Variants in UNC5D observed in about 807,000 individuals in gnomAD.
UNC5D encodes unc-5 netrin receptor D, also known as netrin receptor UNC5D.
A neutral mutation model predicts 105.4 loss-of-function variants in UNC5D; 39 were observed. The ratio of observed to expected loss-of-function variants is 0.37; its 90% CI spans 0.29 to 0.48. UNC5D has a LOEUF of 0.48. UNC5D is among the 20% of genes least tolerant of loss of function. The pLI is 0.98. For missense variants in UNC5D, 991 were observed against 1,202.4 expected, an observed-to-expected ratio of 0.82 and a Z score of 2.60; for synonymous variants, 452 against 450.4, an observed-to-expected ratio of 1.00 and a Z score of -0.04.
intron 13 of UNC5D, among the ~76,000 whole-genome samples, chr8:35,752,483 A>G (rs999801671): frequency 6.6e-6 from 1 of 152,144 alleles, no homozygotes; most frequent in Admixed American, 6.5e-5. Context: ...GCCCCTGAGT[A>G]TCTCTTAAGT....
chr8:35,696,706 G>A (rs879539841), intron 7 of UNC5D, among the ~76,000 whole-genome samples: 5 of 152,030 alleles, frequency 3.3e-5, no homozygotes, highest in East Asian at 1.9e-4. Flanking sequence ...CTAAGTACAC[G>A]TCTCTTCAAG....
intron 8 of UNC5D, among the ~76,000 whole-genome samples, chr8:35,706,583 G>A (rs903779765): frequency 5.9e-5 from 9 of 152,112 alleles, no homozygotes; most frequent in Non-Finnish European, 1.0e-4. Flanking sequence ...TCACCTGTAG[G>A]CCTTTTAAAA....
intron 1 of UNC5D, among the ~76,000 whole-genome samples, chr8:35,282,710 C>CAAAAAAAAAA (rs200599461): frequency 7.4e-6 from 1 of 135,946 alleles, no homozygotes; most frequent in African/African-American, 2.7e-5. Context: ...TATTAAAAGA[C>CAAAAAAAAAA]AAAAAAAAAA....
chr8:35,283,029 G>A (rs973878461), intron 1 of UNC5D, among the ~76,000 whole-genome samples: 5 of 151,970 alleles, frequency 3.3e-5, no homozygotes, highest in South Asian at 2.1e-4. Flanking sequence ...TAATAATACC[G>A]GTTGAAATGT....
At chr8:35,312,850 A>G in intron 1 of UNC5D, among the ~76,000 whole-genome samples, 1 of 152,322 alleles carries the variant, frequency 6.6e-6, no homozygotes, top group East Asian at 1.9e-4. Flanking sequence ...ACTGTTGTGT[A>G]ACATTTATTT....
chr8:35,476,610 A>T (rs1810116996), intron 1 of UNC5D, among the ~76,000 whole-genome samples: 1 of 152,092 alleles, frequency 6.6e-6, no homozygotes, highest in Non-Finnish European at 1.5e-5. Flanking sequence ...ACTGCCAATG[A>T]CAAGTGTCTT....
At chr8:35,538,615 ATGG>A (rs1236866787) in intron 1 of UNC5D, among the ~76,000 whole-genome samples, 2 of 151,694 alleles carry the variant, frequency 1.3e-5, no homozygotes, top group African/African-American at 2.4e-5. Flanking sequence ...TAGGGGAATG[ATGG>A]TGGTGATTCA....
intron 1 of UNC5D, among the ~76,000 whole-genome samples, chr8:35,407,655 C>A (rs1804895139): frequency 6.6e-6 from 1 of 151,874 alleles, no homozygotes; most frequent in African/African-American, 2.4e-5. Context: ...ACCCTAGTAC[C>A]CATTAGTTAT....
At chr8:35,584,462 T>A (rs1056579485) in intron 3 of UNC5D, among the ~76,000 whole-genome samples, 2 of 152,130 alleles carry the variant, frequency 1.3e-5, no homozygotes, top group African/African-American at 4.8e-5. Context: ...TCTTTCAGAC[T>A]GGAGTGAAGT....
intron 1 of UNC5D, among the ~76,000 whole-genome samples, chr8:35,275,358 G>T (rs1292205795): frequency 6.6e-6 from 1 of 151,672 alleles, no homozygotes. Context: ...ATAAATTAAT[G>T]TGTCCTAATG....
intron 1 of UNC5D, among the ~76,000 whole-genome samples, chr8:35,445,173 T>G (rs1807688012): frequency 6.6e-6 from 1 of 152,024 alleles, no homozygotes; most frequent in Admixed American, 6.6e-5. Flanking sequence ...CAGTACCTCC[T>G]GGGTTCAGGG....
intron 2 of UNC5D, among the ~76,000 whole-genome samples, chr8:35,552,002 C>T (rs1451061506): frequency 6.6e-6 from 1 of 152,126 alleles, no homozygotes; most frequent in African/African-American, 2.4e-5. Flanking sequence ...TTACACAGTT[C>T]TGAACTACTG....
chr8:35,620,680 T>A (rs751097044), intron 4 of UNC5D, among the ~76,000 whole-genome samples: 1 of 150,980 alleles, frequency 6.6e-6, no homozygotes, highest in Non-Finnish European at 1.5e-5. Flanking sequence ...TTCTTTCATA[T>A]GCCTGCTTTA....
intron 1 of UNC5D, among the ~76,000 whole-genome samples, chr8:35,295,006 C>A (rs999749292): frequency 6.6e-6 from 1 of 152,148 alleles, no homozygotes; most frequent in Non-Finnish European, 1.5e-5. Flanking sequence ...ACTGCTCACA[C>A]AAAGATGATT....
At chr8:35,605,373 G>A (rs574571610) in intron 4 of UNC5D, among the ~76,000 whole-genome samples, 6 of 152,314 alleles carry the variant, frequency 3.9e-5, no homozygotes, top group African/African-American at 1.4e-4. Context: ...TTGGTGAACC[G>A]CAAATGCTGC....
chr8:35,446,550 A>G (rs1224155034), intron 1 of UNC5D, among the ~76,000 whole-genome samples: 3 of 152,222 alleles, frequency 2.0e-5, no homozygotes. Flanking sequence ...ATTCTTTAAA[A>G]AAGCCTAGCA....
chr8:35,288,108 G>T (rs1398823474), intron 1 of UNC5D, among the ~76,000 whole-genome samples: 1 of 49,500 alleles, frequency 2.0e-5, no homozygotes, highest in Non-Finnish European at 5.4e-5. Flanking sequence ...TGGAAGCTCA[G>T]AGGTTGCCAA....
chr8:35,633,926 T>C lies in UNC5D; in HGVS notation c.570+38269T>C, dbSNP rs1423692461. ...CCTATCTGTAGAGCTAAGAAAGGAATGCGAAAGATATAATCTTGGCAAGAA... is the reference window on the plus strand; with the variant it reads ...CCTATCTGTAGAGCTAAGAAAGGAACGCGAAAGATATAATCTTGGCAAGAA... On this transcript the variant is annotated intron_variant, in intron 4 of 16. Transcript: ENST00000404895. Among the ~76,000 whole-genome samples, 3 of 152,192 alleles carry C rather than the reference T, an allele frequency of 2.0e-5. No homozygotes were observed. In the East Asian group the frequency reaches 5.8e-4, roughly 29 times the overall value.
At chr8:35,299,583 A>AGTGG in intron 1 of UNC5D, among the ~76,000 whole-genome samples, 1 of 152,190 alleles carries the variant, frequency 6.6e-6, no homozygotes, top group Non-Finnish European at 1.5e-5. Context: ...TGGAGATGCA[A>AGTGG]ACTGACACAG....
Sources: gnomAD v4.1 joint callset for allele counts (sites outside exome capture counted in the v4.1 genomes callset) on GRCh38, gnomAD v4.1.1 for gene constraint, MANE v1.5 for transcripts, NCBI Gene and HGNC (gene_info 2026-07-23, HGNC 2026-07-21) for gene names.